Variants in TTC21B observed in about 807,000 individuals in gnomAD.
The protein encoded by TTC21B is tetratricopeptide repeat domain 21B.
TTC21B carries 127 observed loss-of-function variants against 175.1 expected under a neutral mutation model. The ratio of observed to expected loss-of-function variants is 0.73; its 90% CI spans 0.63 to 0.84. The LOEUF (loss-of-function observed/expected upper bound fraction) is 0.84, where lower values mean the gene tolerates loss of function less well. TTC21B is among the 40% of genes least tolerant of loss of function. The pLI is 0.00. For synonymous variants in TTC21B, 524 were observed against 524.5 expected, an observed-to-expected ratio of 1.00 and a Z score of 0.01; for missense variants, 1,561 against 1,558.3, an observed-to-expected ratio of 1.00 and a Z score of -0.03.
intron 2 of TTC21B, 23 bp downstream of exon 2, chr2:165,949,572 C>T (rs771129377): frequency 1.6e-5 from 26 of 1,613,656 alleles, no homozygotes; most frequent in African/African-American, 5.3e-5. Context: ...ACTGATGGAA[C>T]ATGTTTAATG....
In TTC21B at chr2:165,924,865, T is replaced by C. The variant is rs531448296; in HGVS notation, c.1387-187A>G. Among the ~76,000 whole-genome samples, 386 of 152,348 alleles carry C rather than the reference T, an allele frequency of 2.5e-3. 2 individuals carry two copies. Among genetic ancestry groups the C allele is most frequent in the Non-Finnish European group, 4.9e-3 (334 of 68,026 alleles). On this transcript the variant is annotated intron_variant, in intron 11 of 28. Coordinates refer to ENST00000243344, the MANE Select transcript of TTC21B (RefSeq NM_024753.5). ...TACTAATTTATTTCCCTGGGATCTA[T>C]GAACAGACAATGCAAATAATGGCTC...
At chr2:165,893,394 A>G (rs1351858698) in intron 22 of TTC21B, among the ~76,000 whole-genome samples, 1 of 152,158 alleles carries the variant, frequency 6.6e-6, no homozygotes, top group African/African-American at 2.4e-5. Flanking sequence ...TGCTAGTATT[A>G]TCAACATTGG....
intron 27 of TTC21B, among the ~76,000 whole-genome samples, chr2:165,878,489 G>A (rs530532605): frequency 6.6e-6 from 1 of 151,668 alleles, no homozygotes; most frequent in South Asian, 2.1e-4. Context: ...TTTTTTCCTC[G>A]TATATATTTA....
Position 165,899,823 on chromosome 2 carries a change from G to T in TTC21B, c.2815C>A (p.Arg939=), listed in dbSNP as rs151227843. 3 of 1,613,930 alleles carry T rather than the reference G, an allele frequency of 1.9e-6. No homozygotes were observed. The African/African-American group carries it at 4.0e-5, about 22-fold the overall frequency. ...CTCTGAAGCAGTAGAGCACACTGCC[G>T]CAGGCAGGAATCAGGGTCATCTTGT... ...LAQDDPDSCL[R]QCALLLQSDQ... Residue 939 remains arginine, a synonymous_variant, in exon 21 of 29, where the codon CGG becomes AGG. Transcript: ENST00000243344.
Position 165,949,409 on chromosome 2 carries a change from T to A in TTC21B, c.247A>T (p.Met83Leu). ...AATATCATACCTGGATTAGGACTCA[T>A]TTTATGGGCATATATCAGTGCAAGT... The part of the protein sequence containing the change: ...SLLALIYAHK[M>L]SPNPDREAIL... Residue 83 changes from methionine to leucine, a missense_variant, in exon 3 of 29, where the codon ATG becomes TTG. Coordinates refer to ENST00000243344, the MANE Select transcript of TTC21B (RefSeq NM_024753.5). 3 of 1,611,770 alleles carry A rather than the reference T, an allele frequency of 1.9e-6. No individual in the cohort carries two copies. The highest frequency in any genetic ancestry group is 2.5e-6 in the Non-Finnish European group (3 of 1,177,948).
At chr2:165,891,967 TG>T (rs1685210852) in intron 22 of TTC21B, among the ~76,000 whole-genome samples, 1 of 152,080 alleles carries the variant, frequency 6.6e-6, no homozygotes, top group East Asian at 1.9e-4. Flanking sequence ...GGAGTCACAT[TG>T]GGGTTTTGAT....
At chr2:165,928,812 T>G (rs768136680) in intron 11 of TTC21B, 2 of 318,050 alleles carry the variant, frequency 6.3e-6, no homozygotes, top group Non-Finnish European at 1.2e-5. Flanking sequence ...TGTCCAGACA[T>G]GGGATAGACA....
chr2:165,881,184 C>G lies in TTC21B; in HGVS notation c.3685-385G>C, dbSNP rs561372722. 3.3e-5 allele frequency among the ~76,000 whole-genome samples: 5 copies of G among 152,252 alleles called. No homozygotes were observed. In the South Asian group the frequency reaches 8.3e-4, roughly 25 times the overall value. ...CTAATACTGTTTCACCTCTATCTCA[C>G]AAACCTACCCTTCTGTATTACCAGA... On this transcript the variant is annotated intron_variant, in intron 26 of 28. Coordinates refer to ENST00000243344, the MANE Select transcript of TTC21B (RefSeq NM_024753.5).
At chr2:165,888,550 T>C in intron 24 of TTC21B, 76 bp from the exon 25 acceptor site, 1 of 1,205,552 alleles carries the variant, frequency 8.3e-7, no homozygotes, top group African/African-American at 1.5e-5. Flanking sequence ...TCAGCTTTTG[T>C]ACACAAAAGC....
rs111937449 is a variant in TTC21B, at chr2:165,905,093, T to G, written c.2568+2585A>C. ...ATAAAATATATCACATTGTGTTCCC[T>G]ATAAACAAAGTTTCAAACAACTAAT... On this transcript the variant is annotated intron_variant, in intron 19 of 28. Transcript: ENST00000243344. Among the ~76,000 whole-genome samples, 346 of 152,290 alleles carry G rather than the reference T, an allele frequency of 2.3e-3. 4 individuals carry two copies. Among genetic ancestry groups the G allele is most frequent in the Non-Finnish European group, 4.2e-3 (287 of 68,020 alleles).
chr2:165,928,115 C>T (rs1277638672), intron 11 of TTC21B, among the ~76,000 whole-genome samples: 1 of 152,092 alleles, frequency 6.6e-6, no homozygotes, highest in African/African-American at 2.4e-5. Context: ...ACTGTTAATG[C>T]TTGGAAAAGA....
intron 1 of TTC21B, 26 bp downstream of exon 1, chr2:165,953,659 A>ACCCGCTCG (rs2105374583): frequency 5.1e-6 from 7 of 1,384,342 alleles, no homozygotes; most frequent in South Asian, 1.3e-5. Flanking sequence ...CCGCCCGCTC[A>ACCCGCTCG]CCCGCTCACC....
intron 2 of TTC21B, 44 bp downstream of exon 2, chr2:165,949,551 A>G (rs375411555): frequency 9.0e-5 from 146 of 1,613,708 alleles, no homozygotes; most frequent in Non-Finnish European, 1.2e-4. Flanking sequence ...AGTGCAAAGC[A>G]AGAATTTAAA....
chr2:165,884,261 A>G (rs756872435), intron 25 of TTC21B, among the ~76,000 whole-genome samples: 1 of 152,244 alleles, frequency 6.6e-6, no homozygotes, highest in East Asian at 1.9e-4. Flanking sequence ...TTCAGATGCC[A>G]TATGCACACA....
intron 27 of TTC21B, among the ~76,000 whole-genome samples, chr2:165,877,826 T>C (rs1032913288): frequency 1.3e-5 from 2 of 152,186 alleles, no homozygotes; most frequent in Non-Finnish European, 2.9e-5. Context: ...TCTCAGATTT[T>C]AGACAAAAAT....
chr2:165,931,671 A>G (rs1057280527), intron 8 of TTC21B, 87 bp downstream of exon 8: 2 of 1,123,430 alleles, frequency 1.8e-6, no homozygotes, highest in African/African-American at 3.1e-5. Flanking sequence ...TCTAGGCCAT[A>G]TGCTCTTCCC....
chr2:165,945,756 T>A, intron 3 of TTC21B, 66 bp from the exon 4 acceptor site: 1 of 1,538,800 alleles, frequency 6.5e-7, no homozygotes, highest in Non-Finnish European at 8.8e-7. Context: ...ATAGGTCAGA[T>A]AATTAACAAG....
At chr2:165,888,571 CTT>C (rs1685086104) in intron 24 of TTC21B, 97 bp from the exon 25 acceptor site, 1 of 846,478 alleles carries the variant, frequency 1.2e-6, no homozygotes, top group Non-Finnish European at 1.9e-6. Context: ...TCTGGGCACT[CTT>C]TTATACTCTT....
intron 6 of TTC21B, among the ~76,000 whole-genome samples, chr2:165,939,337 C>G (rs976088938): frequency 6.6e-6 from 1 of 152,166 alleles, no homozygotes; most frequent in African/African-American, 2.4e-5. Flanking sequence ...GATTCTAAGA[C>G]TATAAACCTT....
Sources: gnomAD v4.1 joint callset for allele counts (sites outside exome capture counted in the v4.1 genomes callset) on GRCh38, gnomAD v4.1.1 for gene constraint, MANE v1.5 for transcripts, NCBI Gene and HGNC (gene_info 2026-07-23, HGNC 2026-07-21) for gene names.